The following NCAM2 variants were observed in gnomAD, a reference collection of about 807,000 sequenced individuals.
NCAM2 encodes the protein N-CAM-2.
Under a neutral mutation model 98.1 loss-of-function variants are expected in NCAM2, and 30 were observed. The observed-to-expected ratio is 0.31, with a 90% CI of 0.23 to 0.41. NCAM2 has a LOEUF of 0.41. NCAM2 is among the 10% of genes least tolerant of loss of function. The pLI, the probability that NCAM2 is intolerant of heterozygous loss-of-function variation, is 1.00. For missense variants in NCAM2, 867 were observed against 1,005.8 expected (o/e 0.86, Z 1.87); for synonymous variants, 368 against 342.4 (o/e 1.07, Z -0.83).
chr21:21,515,171 C>G (rs1283431485), intron 16 of NCAM2, among the ~76,000 whole-genome samples: 1 of 152,098 alleles, frequency 6.6e-6, no homozygotes. Context: ...TGTAAATAAT[C>G]TAGATTTACT....
In NCAM2 at chr21:21,181,551, T is replaced by A. The variant is rs546330166; in HGVS notation, c.56-99027T>A. 3.3e-5 allele frequency among the ~76,000 whole-genome samples: 5 copies of A among 152,294 alleles called. No individual in the cohort carries two copies. The South Asian group carries it at 1.0e-3, about 32-fold the overall frequency. ...TCTCTTAAAATATGAATTTTGTGAA[T>A]GTGCCTATGACTGATGGCCACACAT... On this transcript the variant is annotated intron_variant, in intron 1 of 17. Transcript: ENST00000400546.
rs536818511 is a variant in NCAM2, at chr21:21,061,576, C to T, written c.55+62958C>T. Among the ~76,000 whole-genome samples the T allele has an allele frequency of 9.2e-5, 14 of 152,212 alleles. 1 individual carries two copies. The South Asian group carries it at 1.0e-3, about 11-fold the overall frequency. On this transcript the variant is annotated intron_variant, in intron 1 of 17. Coordinates refer to ENST00000400546, the MANE Select transcript of NCAM2 (RefSeq NM_004540.5). ...TTAATCTGTTCAGAGATGAGTTAAA[C>T]AGAAGATACTAATTATGTTGGAATC...
chr21:21,520,999 A>G (rs1988986298), intron 16 of NCAM2, among the ~76,000 whole-genome samples: 1 of 152,176 alleles, frequency 6.6e-6, no homozygotes, highest in Non-Finnish European at 1.5e-5. Flanking sequence ...AGAAGGGGGA[A>G]GTAACTACAT....
intron 1 of NCAM2, among the ~76,000 whole-genome samples, chr21:21,001,925 G>A (rs1051402835): frequency 3.9e-5 from 6 of 152,114 alleles, no homozygotes; most frequent in African/African-American, 1.2e-4. Flanking sequence ...ATAGAGCACA[G>A]GTGTGTGAGT....
chr21:21,094,537 A>G (rs2066078289), intron 1 of NCAM2, among the ~76,000 whole-genome samples: 1 of 151,856 alleles, frequency 6.6e-6, no homozygotes, highest in South Asian at 2.1e-4. Flanking sequence ...TTTATCTTCT[A>G]GATAAACTGT....
intron 14 of NCAM2, among the ~76,000 whole-genome samples, chr21:21,475,131 C>A (rs891020619): frequency 2.6e-5 from 4 of 151,898 alleles, no homozygotes; most frequent in Non-Finnish European, 5.9e-5. Context: ...GCATCTAAGG[C>A]TTAAAATCAC....
At chr21:21,144,218 G>T (rs1323948886) in intron 1 of NCAM2, among the ~76,000 whole-genome samples, 3 of 151,766 alleles carry the variant, frequency 2.0e-5, no homozygotes, top group Non-Finnish European at 4.4e-5. Flanking sequence ...GTGTGGTGGT[G>T]CATGCCTGTA....
At chr21:21,040,903 G>C (rs1346778265) in intron 1 of NCAM2, among the ~76,000 whole-genome samples, 1 of 152,122 alleles carries the variant, frequency 6.6e-6, no homozygotes, top group African/African-American at 2.4e-5. Flanking sequence ...TGTATCTTCA[G>C]ATAGCAAGAA....
chr21:21,000,655 T>A (rs2064003027), intron 1 of NCAM2, among the ~76,000 whole-genome samples: 1 of 152,006 alleles, frequency 6.6e-6, no homozygotes, highest in Non-Finnish European at 1.5e-5. Context: ...ATTGTAAAGA[T>A]CTCTCTATCT....
At chr21:21,438,914 C>T (rs1490877631) in intron 12 of NCAM2, among the ~76,000 whole-genome samples, 2 of 151,934 alleles carry the variant, frequency 1.3e-5, no homozygotes, top group African/African-American at 4.8e-5. Flanking sequence ...AAGACCCCGT[C>T]TCTCTAAAAA....
intron 1 of NCAM2, among the ~76,000 whole-genome samples, chr21:21,170,735 G>A (rs1369058811): frequency 6.6e-6 from 1 of 152,136 alleles, no homozygotes; most frequent in Non-Finnish European, 1.5e-5. Flanking sequence ...TATTCTGAGT[G>A]AACCTTAATG....
At chr21:21,091,834 G>GT (rs1252004970) in intron 1 of NCAM2, among the ~76,000 whole-genome samples, 2 of 151,842 alleles carry the variant, frequency 1.3e-5, no homozygotes, top group African/African-American at 4.8e-5. Flanking sequence ...TTAGAAAATA[G>GT]TTTTTTTAAA....
chr21:21,365,234 AGTGCGT>A (rs756375282), intron 8 of NCAM2, among the ~76,000 whole-genome samples: 1 of 43,352 alleles, frequency 2.3e-5, no homozygotes, highest in Non-Finnish European at 4.8e-5. Context: ...ATTATTGCTT[AGTGCGT>A]GTGTGTGTGT....
chr21:21,479,532 C>A (rs1259488548), intron 15 of NCAM2, among the ~76,000 whole-genome samples: 1 of 135,334 alleles, frequency 7.4e-6, no homozygotes, highest in African/African-American at 2.8e-5. Flanking sequence ...TGCAGTGAGC[C>A]GAGACCGCGC....
At chr21:21,153,635 T>A (rs2067516140) in intron 1 of NCAM2, among the ~76,000 whole-genome samples, 1 of 151,858 alleles carries the variant, frequency 6.6e-6, no homozygotes, top group Non-Finnish European at 1.5e-5. Context: ...GGGAGCCACA[T>A]TTTAGTCATG....
At chr21:21,106,314 C>CAAAAAAACAAAAAAAAAAAA (rs2066345633) in intron 1 of NCAM2, among the ~76,000 whole-genome samples, 1 of 103,490 alleles carries the variant, frequency 9.7e-6, no homozygotes, top group African/African-American at 4.5e-5. Context: ...GTCTCAAAAG[C>CAAAAAAACAAAAAAAAAAAA]AAAAAAAAAA....
intron 12 of NCAM2, among the ~76,000 whole-genome samples, chr21:21,456,154 A>T (rs1982115254): frequency 6.6e-6 from 1 of 152,148 alleles, no homozygotes; most frequent in Non-Finnish European, 1.5e-5. Context: ...CAGTTCATTC[A>T]TCATTATTAG....
intron 1 of NCAM2, among the ~76,000 whole-genome samples, chr21:21,010,439 A>G (rs1601081139): frequency 6.6e-6 from 1 of 152,108 alleles, no homozygotes; most frequent in East Asian, 1.9e-4. Flanking sequence ...AAGAGCTATT[A>G]TGCAATACCC....
intron 1 of NCAM2, among the ~76,000 whole-genome samples, chr21:21,249,783 A>C (rs2071409966): frequency 6.6e-6 from 1 of 152,220 alleles, no homozygotes; most frequent in Non-Finnish European, 1.5e-5. Flanking sequence ...AGTTGTTAAA[A>C]TTTAATATGA....
Sources: allele counts gnomAD v4.1 joint callset (sites outside exome capture counted in the v4.1 genomes callset), GRCh38; gene constraint gnomAD v4.1.1; transcripts MANE v1.5; gene names NCBI Gene and HGNC (gene_info 2026-07-23, HGNC 2026-07-21).